The following TOMM40 variants were observed in gnomAD, a reference collection of about 807,000 sequenced individuals.
The protein encoded by TOMM40 is translocase of outer mitochondrial membrane 40.
TOMM40 carries 9 observed loss-of-function variants against 38.4 expected under a neutral mutation model. The ratio of observed to expected loss-of-function variants is 0.23; its 90% CI spans 0.14 to 0.41. The LOEUF is 0.41. Among genes scored for constraint, TOMM40 ranks in the 10% least tolerant of loss-of-function variants. The probability of loss-of-function intolerance (pLI) is 1.00; values close to 1 mark genes in which losing one functional copy is unlikely to be tolerated. For missense variants in TOMM40, 299 were observed against 486.5 expected, an observed-to-expected ratio of 0.61 and a Z score of 3.63; for synonymous variants, 184 against 210.0, an observed-to-expected ratio of 0.88 and a Z score of 1.07.
Position 44,900,758 on chromosome 19 carries a change from C to T in TOMM40, c.672C>T (p.Ser224=), listed in dbSNP as rs773415673. ...SGILVAHYLQ[S]ITPCLALGGE... is the part of the protein sequence containing the mutation. ...TCCTCGTAGCCCACTACCTCCAGAG[C>T]ATCACGCCTTGCCTGGCCCTGGGTG... The change falls in exon 6 of 9, where the codon AGC becomes AGT. Residue 224 remains serine, a synonymous_variant. Transcript: ENST00000426677. 1.9e-6 allele frequency: 3 copies of T among 1,612,920 alleles called. No homozygotes were observed. The highest frequency in any genetic ancestry group is 2.5e-6 in the Non-Finnish European group (3 of 1,179,930).
intron 5 of TOMM40, 93 bp from the exon 6 acceptor site, chr19:44,900,636 GC>G (rs2047022745): frequency 6.2e-7 from 1 of 1,602,528 alleles, no homozygotes. Context: ...GCAAGCCCAA[GC>G]CTCCAGCCGG....
intron 5 of TOMM40, among the ~76,000 whole-genome samples, chr19:44,894,964 C>T (rs1969538266): frequency 1.3e-5 from 2 of 152,144 alleles, no homozygotes; most frequent in African/African-American, 4.8e-5. Context: ...AGGTTGGATT[C>T]TGGATGTTGT....
intron 2 of TOMM40, 105 bp from the exon 3 acceptor site, chr19:44,892,732 C>T: frequency 1.0e-6 from 1 of 957,822 alleles, no homozygotes; most frequent in Non-Finnish European, 1.7e-6. Context: ...TCAGGCCGTG[C>T]CTCCCAGTCT....
rs112776191 is a variant in TOMM40, at chr19:44,903,357, G to A, written c.*188G>A. The A allele has an allele frequency of 1.3e-5, 8 of 603,448 alleles. No individual in the cohort carries two copies. The highest frequency in any genetic ancestry group is 8.8e-5 in the South Asian group (4 of 45,362). The allele number at this position is 603,448 out of a possible 1,614,324, so 37.4% of individuals were successfully genotyped here. On this transcript the variant is annotated 3_prime_UTR_variant, in exon 9 of 9. Coordinates refer to ENST00000426677, the MANE Select transcript of TOMM40 (RefSeq NM_001128917.2). The stretch of plus-strand genomic sequence containing the variant: ...GGATTCTGGAACTGAATGGCGCTTC[G>A]GGATTCTGAGTAGCAGGGGCAGCAT...
chr19:44,902,809 G>T, intron 8 of TOMM40: 1 of 526,160 alleles, frequency 1.9e-6, no homozygotes, highest in Middle Eastern at 5.2e-4. Context: ...GGGTCTAGAG[G>T]GCTTTTCAGA....
chr19:44,891,400 C>G lies in TOMM40; in HGVS notation c.-16C>G. On this transcript the variant is annotated 5_prime_UTR_variant, in exon 1 of 9. Coordinates refer to ENST00000426677, the MANE Select transcript of TOMM40 (RefSeq NM_001128917.2). ...CCCTGACCTCTGCCCTCTGACCTCT[C>G]CCCTAGCAGGCGACCATGGGGAACG... 3 of 1,282,282 alleles carry G rather than the reference C, an allele frequency of 2.3e-6. No homozygotes were observed. The highest frequency in any genetic ancestry group is 3.1e-5 in the East Asian group (1 of 32,168). The allele number at this position is 1,282,282 out of a possible 1,614,324, so 79.4% of individuals were successfully genotyped here.
rs1969497545 is a variant in TOMM40 at position 44,893,003 on chromosome 19, G to C, written c.435+74G>C. 2.3e-6 allele frequency: 3 copies of C among 1,303,018 alleles called. No individual in the cohort carries two copies. In the Admixed American group the frequency reaches 6.3e-5, roughly 27 times the overall value. The allele number at this position is 1,303,018 out of a possible 1,614,324, so 80.7% of individuals were successfully genotyped here. A position where few individuals can be genotyped will look rare whatever the true frequency, so the allele number is the denominator to read the frequency against. The stretch of plus-strand genomic sequence containing the variant: ...TGTAGCCAAATGTCAAGCTAAGACG[G>C]CCTCATCAGGAAAAGGTCACAGCTA... On this transcript the variant is annotated intron_variant, in intron 3 of 8. Coordinates refer to ENST00000426677, the MANE Select transcript of TOMM40 (RefSeq NM_001128917.2).
intron 1 of TOMM40, 27 bp downstream of exon 1, chr19:44,891,716 C>A: frequency 1.4e-6 from 2 of 1,417,790 alleles, no homozygotes; most frequent in South Asian, 1.4e-5. Flanking sequence ...CCCCGCTGGG[C>A]TGCGATGGCC....
rs764638939 is a variant in TOMM40, at chr19:44,901,115, G to A, written c.843+11G>A. ...AAAGCCAGTGACCAGGTGAGTGGGTGCAGGGACTAGCTGGTGCTGCCAGGG... is the reference window on the plus strand; with the variant it reads ...AAAGCCAGTGACCAGGTGAGTGGGTACAGGGACTAGCTGGTGCTGCCAGGG... On this transcript the variant is annotated intron_variant, in intron 7 of 8. Coordinates refer to ENST00000426677, the MANE Select transcript of TOMM40 (RefSeq NM_001128917.2). The A allele has an allele frequency of 6.2e-6, 10 of 1,614,158 alleles. No homozygotes were observed. The highest frequency in any genetic ancestry group is 2.7e-5 in the African/African-American group (2 of 74,958).
intron 2 of TOMM40, 114 bp from the exon 3 acceptor site, chr19:44,892,719 TAGTC>T (rs1969490837): frequency 2.3e-6 from 2 of 877,930 alleles, no homozygotes; most frequent in South Asian, 1.4e-5. Context: ...CTGAGTCTCT[TAGTC>T]AGGCCGTGCC....
Position 44,903,038 on chromosome 19 carries a change from GA to G in TOMM40, c.956del (p.Asp319ValfsTer19). On this transcript the variant is annotated frameshift_variant, in exon 9 of 9. Transcript: ENST00000426677. LOFTEE classifies it high-confidence loss of function. ...KANLLFKGSV[D>X]SNWIVGATLE... ...TCAGCTCTTCCCTGCAGGCTCTGTG[GA>G]TAGCAACTGGATCGTGGGTGCCACG... is the stretch of plus-strand genomic sequence containing the variant. 6.2e-7 allele frequency: 1 copy of G among 1,613,102 alleles called. No homozygotes were observed. Among genetic ancestry groups the G allele is most frequent in the Non-Finnish European group, 8.5e-7 (1 of 1,179,900 alleles).
At chr19:44,896,674 C>G (rs532951530) in intron 5 of TOMM40, among the ~76,000 whole-genome samples, 1 of 152,124 alleles carries the variant, frequency 6.6e-6, no homozygotes, top group Non-Finnish European at 1.5e-5. Context: ...GGTGACAGCT[C>G]CTTTTCTGCT....
intron 5 of TOMM40, among the ~76,000 whole-genome samples, chr19:44,894,415 C>T (rs1047139102): frequency 2.0e-5 from 3 of 152,070 alleles, no homozygotes; most frequent in African/African-American, 4.8e-5. Context: ...GCATGCGCTA[C>T]CACGCCTGGC....
chr19:44,901,376 G>A (rs753542239), intron 8 of TOMM40, 66 bp downstream of exon 8: 76 of 1,563,180 alleles, frequency 4.9e-5, no homozygotes, highest in Non-Finnish European at 6.2e-5. Context: ...GTGGATGTGT[G>A]GGCCACCACA....
chr19:44,892,318 G>A (rs1394012305), intron 1 of TOMM40, 75 bp from the exon 2 acceptor site: 9 of 1,402,158 alleles, frequency 6.4e-6, no homozygotes, highest in African/African-American at 1.4e-5. Context: ...GGAGAGAGCT[G>A]GGGGTGGTAG....
At chr19:44,892,728 C>G in intron 2 of TOMM40, 109 bp from the exon 3 acceptor site, 1 of 925,802 alleles carries the variant, frequency 1.1e-6, no homozygotes, top group South Asian at 1.4e-5. Flanking sequence ...TTAGTCAGGC[C>G]GTGCCTCCCA....
intron 5 of TOMM40, among the ~76,000 whole-genome samples, chr19:44,898,990 G>A (rs1969624598): frequency 6.6e-6 from 1 of 151,682 alleles, no homozygotes. Flanking sequence ...AAATTAGCCA[G>A]GCATGGTGGC....
At chr19:44,902,797 A>G in intron 8 of TOMM40, 1 of 473,034 alleles carries the variant, frequency 2.1e-6, no homozygotes, top group South Asian at 2.9e-5. Flanking sequence ...GGGGGAACCC[A>G]GGGGTCTAGA....
chr19:44,903,384 C>T lies in TOMM40; in HGVS notation c.*215C>T. On this transcript the variant is annotated 3_prime_UTR_variant, in exon 9 of 9. Coordinates refer to ENST00000426677, the MANE Select transcript of TOMM40 (RefSeq NM_001128917.2). ...GATTCTGAGTAGCAGGGGCAGCATGCCCAGTGGGCCTGGGGTCCCGGGAGG... is the reference window on the plus strand; with the variant it reads ...GATTCTGAGTAGCAGGGGCAGCATGTCCAGTGGGCCTGGGGTCCCGGGAGG... The T allele has an allele frequency of 1.9e-6, 1 of 514,456 alleles. No homozygotes were observed. The highest frequency in any genetic ancestry group is 2.4e-5 in the South Asian group (1 of 40,970). The allele number at this position is 514,456 out of a possible 1,614,324, so 31.9% of individuals were successfully genotyped here. A position where few individuals can be genotyped will look rare whatever the true frequency, so the allele number is the denominator to read the frequency against.
Sources: gnomAD v4.1 joint callset for allele counts (sites outside exome capture counted in the v4.1 genomes callset) on GRCh38, gnomAD v4.1.1 for gene constraint, MANE v1.5 for transcripts, NCBI Gene and HGNC (gene_info 2026-07-23, HGNC 2026-07-21) for gene names.